The following MTA1 variants were observed in gnomAD, a reference collection of about 807,000 sequenced individuals.
MTA1 encodes the protein metastasis associated 1.
In MTA1, 15 loss-of-function variants were observed where a neutral mutation model predicts 97.0. The observed-to-expected ratio is 0.15, with a 90% confidence interval of 0.10 to 0.24. The LOEUF (loss-of-function observed/expected upper bound fraction) is 0.24, where lower values mean the gene tolerates loss of function less well. MTA1 is among the 10% of genes least tolerant of loss of function. The pLI is 1.00. For synonymous variants in MTA1, 435 were observed against 417.5 expected (o/e 1.04, Z -0.51); for missense variants, 709 against 1,015.1 (o/e 0.70, Z 4.10).
At chr14:105,435,884 A>G (rs782116780) in intron 1 of MTA1, among the ~76,000 whole-genome samples, 3 of 152,168 alleles carry the variant, frequency 2.0e-5, no homozygotes, top group Non-Finnish European at 4.4e-5. Flanking sequence ...GTGATGTCCC[A>G]TCTGTCGTTC....
rs587737145 is a variant in MTA1 at position 105,464,269 on chromosome 14, C to A, written c.1192+122C>A. On this transcript the variant is annotated intron_variant, in intron 13 of 20. Transcript: ENST00000331320. The stretch of plus-strand genomic sequence containing the variant: ...AGGGGCCCACTGACGATGGGGGCTG[C>A]GTCCCAGGGGTGTGGTTGGGAGAGC... The A allele has an allele frequency of 4.5e-6, 6 of 1,324,404 alleles. No individual in the cohort carries two copies. In the African/African-American group the frequency reaches 4.6e-5, roughly 10 times the overall value. The allele number at this position is 1,324,404 out of a possible 1,614,324, so 82.0% of individuals were successfully genotyped here.
chr14:105,436,028 G>T (rs1227676640), intron 1 of MTA1, among the ~76,000 whole-genome samples: 1 of 152,114 alleles, frequency 6.6e-6, no homozygotes, highest in Non-Finnish European at 1.5e-5. Flanking sequence ...CAGCACTTTG[G>T]GAGACTGAGG....
chr14:105,439,107 C>T (rs1325769199), intron 2 of MTA1, among the ~76,000 whole-genome samples: 1 of 152,144 alleles, frequency 6.6e-6, no homozygotes, highest in East Asian at 1.9e-4. Context: ...GGTGCCCCTG[C>T]CCTGCCCGAA....
At chr14:105,455,011 TCCTC>T (rs1260151930) in intron 7 of MTA1, among the ~76,000 whole-genome samples, 7 of 152,206 alleles carry the variant, frequency 4.6e-5, no homozygotes, top group African/African-American at 1.7e-4. Context: ...GCTCAGATGA[TCCTC>T]CCACCTCAGC....
At chr14:105,449,455 C>T (rs782397870) in intron 4 of MTA1, 46 bp downstream of exon 4, 16 of 1,598,164 alleles carry the variant, frequency 1.0e-5, no homozygotes, top group Non-Finnish European at 1.3e-5. Context: ...GTCTGTGTCC[C>T]TGGGCTGGGG....
In MTA1 at chr14:105,464,511, T is replaced by C; in HGVS notation, c.1288T>C (p.Leu430=). Reference sequence around the variant, plus strand: ...GACATATTGGAAGAAATATGGTGGCTTGAAAATGCCAACCCGGTTAGATGG... The same window carrying C: ...GACATATTGGAAGAAATATGGTGGCCTGAAAATGCCAACCCGGTTAGATGG... The part of the protein sequence containing the change: ...CWTYWKKYGG[L]KMPTRLDGER... Residue 430 remains leucine (L), a synonymous_variant, in exon 14 of 21, where the codon TTG becomes CTG. Coordinates refer to ENST00000331320, the MANE Select transcript of MTA1 (RefSeq NM_004689.4). 1.2e-6 allele frequency: 2 copies of C among 1,613,402 alleles called. No individual in the cohort carries two copies. Among genetic ancestry groups the C allele is most frequent in the Non-Finnish European group, 1.7e-6 (2 of 1,179,956 alleles).
At chr14:105,441,657 G>T (rs147361636) in intron 2 of MTA1, among the ~76,000 whole-genome samples, 1 of 152,308 alleles carries the variant, frequency 6.6e-6, no homozygotes, top group Admixed American at 6.5e-5. Context: ...AGCCGGGCGT[G>T]GTGGCGGGCG....
intron 2 of MTA1, among the ~76,000 whole-genome samples, chr14:105,440,770 C>T (rs2082484938): frequency 6.6e-6 from 1 of 152,268 alleles, no homozygotes; most frequent in Admixed American, 6.5e-5. Context: ...AGACGCTCAC[C>T]ATGTGGAAAA....
rs782201627 is a variant in MTA1 at position 105,445,490 on chromosome 14, G to A, written c.169G>A (p.Ala57Thr). 5 of 1,613,422 alleles carry A rather than the reference G, an allele frequency of 3.1e-6. No homozygotes were observed. Among genetic ancestry groups the A allele is most frequent in the East Asian group, 2.2e-5 (1 of 44,864 alleles). ...RRRDISSTLI[A>T]LADKHATLSV... ...GCGGGACATCTCCAGCACCCTCATC[G>A]CCCTGGCCGACAAGCACGCAAGTGA... Residue 57 changes from alanine to threonine, a missense_variant, in exon 3 of 21, where the codon GCC (alanine) becomes ACC (threonine). This residue lies in a region of MTA1 where 321 missense variants were observed against 593.5 expected (regional missense o/e 0.54). Coordinates refer to ENST00000331320, the MANE Select transcript of MTA1 (RefSeq NM_004689.4).
At chr14:105,442,655 C>T (rs1187328011) in intron 2 of MTA1, among the ~76,000 whole-genome samples, 2 of 152,214 alleles carry the variant, frequency 1.3e-5, no homozygotes, top group African/African-American at 4.8e-5. Context: ...GAACAGACCC[C>T]GAGTGTGACT....
rs1283455896 is a variant in MTA1 at position 105,470,240 on chromosome 14, C to T, written c.*25C>T. ...GGGGCCGCCCCCACCTGCGGCCGCC[C>T]CCCGCCCCTCGCCCGCCCACACGGC... On this transcript the variant is annotated 3_prime_UTR_variant, in exon 21 of 21. Coordinates refer to ENST00000331320, the MANE Select transcript of MTA1 (RefSeq NM_004689.4). 40 of 1,473,424 alleles carry T rather than the reference C, an allele frequency of 2.7e-5. No homozygotes were observed. Among genetic ancestry groups the T allele is most frequent in the Non-Finnish European group, 3.4e-5 (38 of 1,117,158 alleles). The allele number at this position is 1,473,424 out of a possible 1,614,324, so 91.3% of individuals were successfully genotyped here.
intron 16 of MTA1, 98 bp from the exon 17 acceptor site, chr14:105,466,328 T>TG: frequency 8.7e-7 from 1 of 1,152,408 alleles, no homozygotes; most frequent in Non-Finnish European, 1.3e-6. Context: ...GCTTAGTTCC[T>TG]GGGGGTATCC....
chr14:105,465,724 A>G (rs1293449273), intron 16 of MTA1: 3 of 152,580 alleles, frequency 2.0e-5, no homozygotes, highest in African/African-American at 7.2e-5. Context: ...AGGACACCCG[A>G]GAACCTCAGC....
rs781883572 is a variant in MTA1, at chr14:105,466,556, C to T, written c.1755C>T (p.Tyr585=). ...CCACCATCCTGGGCAAGCGCAGCTA[C>T]GAGCAGCACAACGGGGTGGACGGTG... The part of the protein sequence containing the change: ...GSPTILGKRS[Y]EQHNGVDGNM... The change falls in exon 17 of 21, where the codon TAC becomes TAT. Residue 585 remains tyrosine, a synonymous_variant. Transcript: ENST00000331320. 1.2e-5 allele frequency: 19 copies of T among 1,582,968 alleles called. No homozygotes were observed. The highest frequency in any genetic ancestry group is 2.3e-5 in the South Asian group (2 of 86,878).
In MTA1 at chr14:105,422,862, C is replaced by G. The variant is rs1555421311; in HGVS notation, c.28+2799C>G. 2.6e-5 allele frequency among the ~76,000 whole-genome samples: 4 copies of G among 152,174 alleles called. No homozygotes were observed. On this transcript the variant is annotated intron_variant, in intron 1 of 20. Coordinates refer to ENST00000331320, the MANE Select transcript of MTA1 (RefSeq NM_004689.4). This position sits in a 1 kb window ranked among gnomAD's most constrained non-coding sequence, Gnocchi z 4.3. ...TGCCCTGGCCACGGACAGAGGCCTT[C>G]TGTCTGTGCCTGTGAGGGCAGCGGA...
chr14:105,462,158 G>A (rs1313238437), intron 10 of MTA1, among the ~76,000 whole-genome samples: 9 of 152,260 alleles, frequency 5.9e-5, no homozygotes, highest in Non-Finnish European at 7.3e-5. Context: ...GTGCGGGGAT[G>A]GGAGGCTGCA....
chr14:105,436,592 C>T (rs1218276825), intron 1 of MTA1, among the ~76,000 whole-genome samples: 2 of 152,166 alleles, frequency 1.3e-5, no homozygotes, highest in African/African-American at 4.8e-5. Context: ...CCTGCCACCT[C>T]CCCCGAGAGG....
In MTA1 at chr14:105,463,514, G is replaced by A. The variant is rs1368320868; in HGVS notation, c.1039G>A (p.Ala347Thr). ...VQQKRLKAAE[A>T]ESKLKQVYIP... ...TAAGAAACGCTTGAAAGCAGCTGAA[G>A]CTGAGAGCAAGTTAAAGCAAGTTTA... Residue 347 changes from alanine (A) to threonine (T), a missense_variant, in exon 12 of 21, where the codon GCT (alanine) becomes ACT (threonine). By Grantham distance (58) the Ala-to-Thr change is moderately conservative (BLOSUM62 0). This residue lies in a region of MTA1 where 321 missense variants were observed against 593.5 expected (regional missense o/e 0.54). Transcript: ENST00000331320. The surrounding 1 kb of genome is among the most constrained non-coding windows in gnomAD (Gnocchi z 5.9). 4 of 1,613,018 alleles carry A rather than the reference G, an allele frequency of 2.5e-6. No individual in the cohort carries two copies. Among genetic ancestry groups the A allele is most frequent in the Non-Finnish European group, 3.4e-6 (4 of 1,179,972 alleles).
chr14:105,470,458 G>A lies in MTA1; in HGVS notation c.*243G>A. 6.7e-6 allele frequency: 3 copies of A among 448,400 alleles called. No homozygotes were observed. The South Asian group carries it at 1.0e-4, about 15-fold the overall frequency. The allele number at this position is 448,400 out of a possible 1,614,324, so 27.8% of individuals were successfully genotyped here. On this transcript the variant is annotated 3_prime_UTR_variant, in exon 21 of 21. Coordinates refer to ENST00000331320, the MANE Select transcript of MTA1 (RefSeq NM_004689.4). ...ACTTTTTGGCTGGAGCGGAGATGAG[G>A]GGCCACCCCGTGCCCCTGTGCTGCG... is the stretch of plus-strand genomic sequence containing the variant.
Sources: gnomAD v4.1 joint callset for allele counts (sites outside exome capture counted in the v4.1 genomes callset) on GRCh38, gnomAD v4.1.1 for gene constraint, gnomAD v4.1.1 regional missense constraint, Gnocchi (gnomAD v3.1) non-coding constraint, MANE v1.5 for transcripts, NCBI Gene and HGNC (gene_info 2026-07-23, HGNC 2026-07-21) for gene names.